PIK3CB: variants seen among roughly 807,000 people sequenced by gnomAD.
The protein encoded by PIK3CB is phosphatidylinositol 4,5-bisphosphate 3-kinase catalytic subunit beta isoform.
A neutral mutation model predicts 136.8 loss-of-function variants in PIK3CB; 39 were observed. The ratio of observed to expected loss-of-function variants is 0.29; its 90% CI spans 0.22 to 0.37. The LOEUF (loss-of-function observed/expected upper bound fraction) is 0.37. PIK3CB is among the 10% of genes least tolerant of loss of function. The pLI, the probability that PIK3CB is intolerant of heterozygous loss-of-function variation, is 1.00. For missense variants in PIK3CB, 868 were observed against 1,275.4 expected, an observed-to-expected ratio of 0.68 and a Z score of 4.87; for synonymous variants, 428 against 436.6, an observed-to-expected ratio of 0.98 and a Z score of 0.25.
At chr3:138,732,461 A>C (rs1225502599) in intron 8 of PIK3CB, among the ~76,000 whole-genome samples, 1 of 152,224 alleles carries the variant, frequency 6.6e-6, no homozygotes, top group Non-Finnish European at 1.5e-5. Context: ...TATATCTTCA[A>C]GCAACAAACA....
At chr3:138,713,727 G>C (rs572398708) in intron 9 of PIK3CB, among the ~76,000 whole-genome samples, 2 of 152,076 alleles carry the variant, frequency 1.3e-5, no homozygotes, top group South Asian at 2.1e-4. Flanking sequence ...ATAGTAACTA[G>C]ATTTTAAAAA....
intron 2 of PIK3CB, among the ~76,000 whole-genome samples, chr3:138,767,561 G>A (rs2045748536): frequency 6.6e-6 from 1 of 152,198 alleles, no homozygotes; most frequent in Non-Finnish European, 1.5e-5. Context: ...ACTTGGCCTA[G>A]CAGGCTGCAC....
At chr3:138,827,673 G>T (rs1933843077) in intron 1 of PIK3CB, among the ~76,000 whole-genome samples, 1 of 150,390 alleles carries the variant, frequency 6.6e-6, no homozygotes, top group Non-Finnish European at 1.5e-5. Context: ...AACCAGACCT[G>T]GTCTCTTCAA....
intron 1 of PIK3CB, among the ~76,000 whole-genome samples, chr3:138,828,954 ATTT>A (rs34176247): frequency 0.045 from 5,926 of 130,804 alleles, 380 homozygotes; most frequent in African/African-American, 0.16. Context: ...CACCAGGCTA[ATTT>A]TTTTTTTTTT....
intron 1 of PIK3CB, among the ~76,000 whole-genome samples, chr3:138,824,649 C>T (rs568240677): frequency 1.4e-4 from 21 of 151,682 alleles, no homozygotes; most frequent in Non-Finnish European, 2.4e-4. Context: ...GCCAAGATCA[C>T]GCCATTGCAC....
At chr3:138,809,606 C>CA (rs57717750) in intron 1 of PIK3CB, among the ~76,000 whole-genome samples, 96,747 of 113,440 alleles carry the variant, frequency 0.85, 41,294 homozygotes, top group East Asian at 0.94. Context: ...GACTTTGCCT[C>CA]AAAAAAAAAA....
At chr3:138,734,926 G>T in intron 6 of PIK3CB, 122 bp from the exon 7 acceptor site, 7 of 464,818 alleles carry the variant, frequency 1.5e-5, no homozygotes, top group Non-Finnish European at 2.1e-5. Flanking sequence ...AACCACAGCA[G>T]AATATCAAGA....
rs879843599 is a variant in PIK3CB at position 138,683,508 on chromosome 3, GA to G, written c.2425+169del. On this transcript the variant is annotated intron_variant, in intron 18 of 23. Transcript: ENST00000674063. ...GGTATAAATCATTTTATAAGAGGGG[GA>G]AAAAAAAAGCATTTAGGACATGTTC... 8.0e-3 allele frequency among the ~76,000 whole-genome samples: 1,197 copies of G among 150,262 alleles called. 6 individuals are homozygous for G. Among genetic ancestry groups the G allele is most frequent in the African/African-American group, 0.015 (609 of 41,028 alleles).
At chr3:138,697,867 G>C (rs934595512) in intron 13 of PIK3CB, among the ~76,000 whole-genome samples, 1 of 152,074 alleles carries the variant, frequency 6.6e-6, no homozygotes, top group Non-Finnish European at 1.5e-5. Flanking sequence ...CAAGTAGCTA[G>C]GACTACAGGC....
rs2043171095 is a variant in PIK3CB at position 138,655,227 on chromosome 3, T to C, written c.*162A>G. On this transcript the variant is annotated 3_prime_UTR_variant, in exon 24 of 24. Transcript: ENST00000674063. ...AAGCAGAGGGAATCATCGGGGATTG[T>C]TCAGATTAGGTTCTGTGGGATGCCT... The C allele has an allele frequency of 3.1e-6, 2 of 650,458 alleles. No individual in the cohort carries two copies. Among genetic ancestry groups the C allele is most frequent in the Non-Finnish European group, 5.3e-6 (2 of 379,140 alleles). 40.3% of individuals were successfully genotyped at this position (650,458 alleles called of 1,614,324 possible).
chr3:138,695,881 G>A (rs1322179260), intron 13 of PIK3CB, among the ~76,000 whole-genome samples: 13 of 150,340 alleles, frequency 8.6e-5, no homozygotes, highest in Non-Finnish European at 1.3e-4. Flanking sequence ...TCAGCCTCCC[G>A]AGTAGCTGGG....
intron 11 of PIK3CB, among the ~76,000 whole-genome samples, chr3:138,706,666 C>CT (rs911451011): frequency 3.3e-5 from 5 of 151,890 alleles, no homozygotes; most frequent in African/African-American, 4.8e-5. Flanking sequence ...TTCTCTCTCT[C>CT]TTTTTTTTGA....
At chr3:138,757,136 T>A (rs2045582998) in intron 3 of PIK3CB, among the ~76,000 whole-genome samples, 1 of 152,190 alleles carries the variant, frequency 6.6e-6, no homozygotes, top group Admixed American at 6.5e-5. Flanking sequence ...CTGGGTGCAG[T>A]GGCTCACACC....
At chr3:138,722,876 T>C (rs1467182943) in intron 8 of PIK3CB, among the ~76,000 whole-genome samples, 2 of 152,096 alleles carry the variant, frequency 1.3e-5, no homozygotes, top group Non-Finnish European at 2.9e-5. Context: ...AAAAATTTGT[T>C]GAAAATAAGT....
intron 4 of PIK3CB, among the ~76,000 whole-genome samples, chr3:138,750,110 C>A (rs1455468372): frequency 6.6e-6 from 1 of 152,066 alleles, no homozygotes; most frequent in African/African-American, 2.4e-5. Flanking sequence ...AAATCCTGGG[C>A]TCAAGTGATC....
At chr3:138,706,798 A>G (rs2044386943) in intron 11 of PIK3CB, among the ~76,000 whole-genome samples, 1 of 152,186 alleles carries the variant, frequency 6.6e-6, no homozygotes, top group African/African-American at 2.4e-5. Flanking sequence ...CTGGGATTAC[A>G]GGCATGTGCC....
chr3:138,722,889 CATT>C (rs769225743), intron 8 of PIK3CB, among the ~76,000 whole-genome samples: 17 of 151,790 alleles, frequency 1.1e-4, no homozygotes, highest in Non-Finnish European at 7.4e-5. Context: ...AAATAAGTAT[CATT>C]ATTTAACAGT....
chr3:138,813,430 A>AT (rs770922735), intron 1 of PIK3CB, among the ~76,000 whole-genome samples: 2,235 of 133,198 alleles, frequency 0.017, 30 homozygotes, highest in African/African-American at 0.028. Flanking sequence ...GGCCTACTCT[A>AT]TTTTTTTTTT....
intron 13 of PIK3CB, among the ~76,000 whole-genome samples, chr3:138,697,561 G>T (rs932495695): frequency 6.6e-6 from 1 of 151,998 alleles, no homozygotes; most frequent in South Asian, 2.1e-4. Context: ...CCAACCTCCC[G>T]AGTAGCTGGA....
Sources: gnomAD v4.1 joint callset for allele counts (sites outside exome capture counted in the v4.1 genomes callset) on GRCh38, gnomAD v4.1.1 for gene constraint, MANE v1.5 for transcripts, NCBI Gene and HGNC (gene_info 2026-07-23, HGNC 2026-07-21) for gene names.